Variants in PARN observed in about 807,000 individuals in gnomAD.
The protein encoded by PARN is poly(A)-specific ribonuclease, also known as poly(A)-specific ribonuclease PARN.
Under a neutral mutation model 102.8 loss-of-function variants are expected in PARN, and 71 were observed. The observed-to-expected ratio is 0.69, with a 90% CI of 0.57 to 0.84. PARN has a LOEUF of 0.84. Among genes scored for constraint, PARN ranks in the 40% least tolerant of loss-of-function variants. The pLI is 0.00. For missense variants in PARN, 782 were observed against 760.9 expected (o/e 1.03, Z -0.33); for synonymous variants, 261 against 252.9 (o/e 1.03, Z -0.30).
intron 22 of PARN, among the ~76,000 whole-genome samples, chr16:14,454,268 C>A (rs1961587895): frequency 6.6e-6 from 1 of 152,114 alleles, no homozygotes; most frequent in African/African-American, 2.4e-5. Flanking sequence ...ATCGCTTGAG[C>A]TCAGGAGTTC....
chr16:14,592,449 G>C (rs918336906), intron 13 of PARN, among the ~76,000 whole-genome samples: 1 of 152,168 alleles, frequency 6.6e-6, no homozygotes, highest in Non-Finnish European at 1.5e-5. Flanking sequence ...AGAGTGGAGC[G>C]CAGAGTGGCG....
chr16:14,438,113 C>T (rs528002078), intron 23 of PARN, among the ~76,000 whole-genome samples: 7 of 152,218 alleles, frequency 4.6e-5, no homozygotes, highest in African/African-American at 7.2e-5. Flanking sequence ...GGAGATGATC[C>T]ACTGAAAAGG....
intron 13 of PARN, among the ~76,000 whole-genome samples, chr16:14,592,956 T>C (rs1894561533): frequency 6.6e-6 from 1 of 152,038 alleles, no homozygotes; most frequent in Non-Finnish European, 1.5e-5. Context: ...GCCAATATGG[T>C]GAAACCCCAT....
At chr16:14,584,512 G>T in intron 15 of PARN, 90 bp from the exon 16 acceptor site, 1 of 1,053,438 alleles carries the variant, frequency 9.5e-7, no homozygotes, top group Non-Finnish European at 1.4e-6. Flanking sequence ...AAAAAAGACA[G>T]CATCTAGTAC....
chr16:14,622,509 A>G (rs1438610461), intron 5 of PARN, among the ~76,000 whole-genome samples: 1 of 151,834 alleles, frequency 6.6e-6, no homozygotes, highest in African/African-American at 2.4e-5. Flanking sequence ...TTAGGATTCC[A>G]TATATATATA....
chr16:14,570,366 A>G (rs1968723607), intron 18 of PARN, among the ~76,000 whole-genome samples: 1 of 146,272 alleles, frequency 6.8e-6, no homozygotes, highest in Non-Finnish European at 1.5e-5. Context: ...AAAAGGAAAG[A>G]GGGCCGGGCC....
intron 11 of PARN, among the ~76,000 whole-genome samples, chr16:14,603,931 G>C (rs930972487): frequency 6.6e-6 from 1 of 152,206 alleles, no homozygotes; most frequent in South Asian, 2.1e-4. Flanking sequence ...GTAGACACTG[G>C]TCATCAGTGA....
chr16:14,606,771 G>C (rs1971212304), intron 9 of PARN, among the ~76,000 whole-genome samples: 1 of 151,302 alleles, frequency 6.6e-6, no homozygotes, highest in African/African-American at 2.4e-5. Context: ...TTAGGACTTA[G>C]GTATTTTCTA....
intron 22 of PARN, among the ~76,000 whole-genome samples, chr16:14,470,962 G>C (rs1301685479): frequency 6.6e-6 from 1 of 151,938 alleles, no homozygotes; most frequent in African/African-American, 2.4e-5. Flanking sequence ...TGTTGTTGTT[G>C]TTGTTAGAGA....
At chr16:14,543,019 C>G (rs763585449) in intron 21 of PARN, among the ~76,000 whole-genome samples, 3 of 152,170 alleles carry the variant, frequency 2.0e-5, no homozygotes, top group African/African-American at 7.2e-5. Context: ...GCTACGCCTA[C>G]GTGCATTATA....
In PARN at chr16:14,599,916, G is replaced by A; in HGVS notation, c.828C>T (p.Ala276=). ...CTGGCTCACTTACCGAATTAGCAAT[G>A]GCGTGAATGACTCTAGAAAATCCCA... ...DAVGFSRVIH[A]IANSGKLVIG... The change falls in exon 12 of 24, where the codon GCC becomes GCT. Residue 276 remains alanine (A), a synonymous_variant. Transcript: ENST00000437198. The A allele has an allele frequency of 6.2e-7, 1 of 1,601,850 alleles. No homozygotes were observed. The highest frequency in any genetic ancestry group is 1.7e-4 in the Middle Eastern group (1 of 6,022).
chr16:14,519,020 C>G (rs1965602339), intron 21 of PARN, among the ~76,000 whole-genome samples: 1 of 151,808 alleles, frequency 6.6e-6, no homozygotes, highest in African/African-American at 2.4e-5. Flanking sequence ...GGCGAATGCA[C>G]TGGTTTTGTT....
At chr16:14,629,804 G>A (rs771892045) in intron 1 of PARN, 130 bp from the exon 2 acceptor site, 24 of 744,430 alleles carry the variant, frequency 3.2e-5, no homozygotes, top group Non-Finnish European at 4.6e-5. Context: ...GTGCACCGGG[G>A]CGAGGGGAAT....
Position 14,627,093 on chromosome 16 carries a change from T to A in PARN, c.327+13A>T, listed in dbSNP as rs1383673055. On this transcript the variant is annotated intron_variant, in intron 5 of 23. Transcript: ENST00000437198. ...GCAATTCAGAAAAGAAAAATCTCAA[T>A]TATGCTACTTACCTGACAAACAAAT... The A allele has an allele frequency of 3.4e-6, 5 of 1,488,854 alleles. No individual in the cohort carries two copies. The highest frequency in any genetic ancestry group is 4.7e-6 in the Non-Finnish European group (5 of 1,071,350). 92.2% of individuals were successfully genotyped at this position (1,488,854 alleles called of 1,614,324 possible). A position where few individuals can be genotyped will look rare whatever the true frequency, so the allele number is the denominator to read the frequency against.
intron 21 of PARN, among the ~76,000 whole-genome samples, chr16:14,538,829 T>C (rs1239423589): frequency 2.0e-5 from 3 of 152,152 alleles, no homozygotes; most frequent in African/African-American, 7.2e-5. Context: ...TCGCTCGCAT[T>C]ACCACCTAAG....
At chr16:14,519,939 AT>A (rs1294460146) in intron 21 of PARN, among the ~76,000 whole-genome samples, 1 of 152,212 alleles carries the variant, frequency 6.6e-6, no homozygotes, top group Non-Finnish European at 1.5e-5. Context: ...AACACAGCCA[AT>A]AAATCACACA....
chr16:14,589,516 G>C (rs142233709), intron 13 of PARN, among the ~76,000 whole-genome samples: 1 of 151,744 alleles, frequency 6.6e-6, no homozygotes, highest in Non-Finnish European at 1.5e-5. Context: ...AGTGAGCCAA[G>C]ATGGCGCCAC....
chr16:14,510,320 C>G (rs748498269), intron 21 of PARN, among the ~76,000 whole-genome samples: 57 of 152,294 alleles, frequency 3.7e-4, no homozygotes, highest in Non-Finnish European at 6.5e-4. Context: ...TAACTGTAAA[C>G]TGCCATCAAG....
chr16:14,448,713 CAG>C (rs368413666), intron 22 of PARN, among the ~76,000 whole-genome samples: 2 of 152,226 alleles, frequency 1.3e-5, no homozygotes, highest in African/African-American at 2.4e-5. Flanking sequence ...ATAGGACACT[CAG>C]GGGACAGAGG....
Sources: allele counts gnomAD v4.1 joint callset (sites outside exome capture counted in the v4.1 genomes callset), GRCh38; gene constraint gnomAD v4.1.1; transcripts MANE v1.5; gene names NCBI Gene and HGNC (gene_info 2026-07-23, HGNC 2026-07-21).